DYDC1: variants seen among roughly 807,000 people sequenced by gnomAD.
The protein encoded by DYDC1 is DPY30 domain-containing protein 1.
DYDC1 carries 21 observed loss-of-function variants against 27.9 expected under a neutral mutation model. That is an observed-to-expected ratio of 0.75 (90% confidence interval 0.53 to 1.08). The LOEUF (loss-of-function observed/expected upper bound fraction) is 1.08. Ranked by LOEUF, DYDC1 falls within the 50% of genes least tolerant of loss-of-function variation. The probability of loss-of-function intolerance (pLI) is 0.00; values close to 1 mark genes in which losing one functional copy is unlikely to be tolerated. For synonymous variants in DYDC1, 67 were observed against 65.8 expected (o/e 1.02, Z -0.09); for missense variants, 202 against 205.9 (o/e 0.98, Z 0.12).
intron 3 of DYDC1, among the ~76,000 whole-genome samples, chr10:80,344,077 C>T (rs999141469): frequency 1.3e-5 from 2 of 152,108 alleles, no homozygotes; most frequent in Non-Finnish European, 2.9e-5. Flanking sequence ...GATCGCACCA[C>T]TGCACTCCAG....
chr10:80,338,190 A>C, intron 6 of DYDC1: 1 of 985,430 alleles, frequency 1.0e-6, no homozygotes, highest in Non-Finnish European at 1.2e-6. Context: ...TTTAAAGATT[A>C]TATATTTCAC....
downstream of DYDC1, chr10:80,336,056 A>G (rs867438467): frequency 1.6e-4 from 121 of 756,606 alleles, 2 homozygotes; most frequent in Middle Eastern, 1.4e-3. Flanking sequence ...GGAAAAAAAA[A>G]GGGGAGTTCA....
intron 3 of DYDC1, among the ~76,000 whole-genome samples, chr10:80,346,968 T>A (rs1842680985): frequency 6.6e-6 from 1 of 151,772 alleles, no homozygotes; most frequent in Admixed American, 6.6e-5. Context: ...TAATCCCAGC[T>A]ACTCAGGAGG....
chr10:80,349,154 G>T (rs1191233682), intron 3 of DYDC1, among the ~76,000 whole-genome samples: 1 of 152,184 alleles, frequency 6.6e-6, no homozygotes, highest in East Asian at 1.9e-4. Context: ...GCCTCCCAAA[G>T]TGCTGGGATT....
Position 80,339,029 on chromosome 10 carries a change from A to G in DYDC1, c.399+68T>C, listed in dbSNP as rs1842229228. 5.6e-6 allele frequency: 5 copies of G among 900,036 alleles called. 1 individual carries two copies. In the South Asian group the frequency reaches 5.7e-5, roughly 10 times the overall value. 55.8% of individuals were successfully genotyped at this position (900,036 alleles called of 1,614,324 possible). A position where few individuals can be genotyped will look rare whatever the true frequency, so the allele number is the denominator to read the frequency against. On this transcript the variant is annotated intron_variant, in intron 5 of 6. Transcript: ENST00000372202. ...TAAAAATTTAGCTACTTATGCATCA[A>G]AATTAAGCTTTACATTCTAGGATAC... is the stretch of plus-strand genomic sequence containing the variant.
At chr10:80,355,558 T>C (rs1843314570) in intron 1 of DYDC1, among the ~76,000 whole-genome samples, 1 of 152,098 alleles carries the variant, frequency 6.6e-6, no homozygotes. Flanking sequence ...TTATTTACAA[T>C]AGTCACACTG....
intron 3 of DYDC1, chr10:80,344,651 C>T (rs183596836): frequency 4.9e-5 from 8 of 164,380 alleles, no homozygotes; most frequent in Admixed American, 3.1e-4. Flanking sequence ...GGGAGCTGGT[C>T]TTCCCTGTGC....
At chr10:80,343,067 A>C (rs184921859) in intron 3 of DYDC1, among the ~76,000 whole-genome samples, 106 of 152,274 alleles carry the variant, frequency 7.0e-4, no homozygotes, top group Non-Finnish European at 6.5e-4. Context: ...CCAACTCAGC[A>C]TATCTGTCAC....
intron 3 of DYDC1, among the ~76,000 whole-genome samples, chr10:80,347,276 CTTTTTTTTTT>C (rs556362145): frequency 1.1e-5 from 1 of 90,112 alleles, no homozygotes; most frequent in Non-Finnish European, 2.1e-5. Context: ...AATTGGGATC[CTTTTTTTTTT>C]TTTTTTTTTT....
chr10:80,350,302 G>C (rs942324648), intron 3 of DYDC1, among the ~76,000 whole-genome samples: 2 of 152,256 alleles, frequency 1.3e-5, no homozygotes, highest in South Asian at 2.1e-4. Context: ...TAAAGTAGTC[G>C]AGCCGAAGAG....
intron 3 of DYDC1, among the ~76,000 whole-genome samples, chr10:80,343,187 TA>T (rs1468534227): frequency 6.6e-6 from 1 of 152,152 alleles, no homozygotes; most frequent in Non-Finnish European, 1.5e-5. Flanking sequence ...AGAAAAAATT[TA>T]AAAGAAATAA....
chr10:80,338,037 A>G (rs1309949262), intron 6 of DYDC1: 16 of 971,834 alleles, frequency 1.6e-5, no homozygotes, highest in Non-Finnish European at 2.0e-5. Flanking sequence ...CATCAGGCAC[A>G]GTGCCTGGCA....
At chr10:80,338,593 T>C (rs948062330) in intron 5 of DYDC1, 22 bp from the exon 6 acceptor site, 12 of 1,526,174 alleles carry the variant, frequency 7.9e-6, no homozygotes, top group Non-Finnish European at 1.1e-5. Context: ...AAATTGATTT[T>C]TACTTTTAAA....
Position 80,352,099 on chromosome 10 carries a change from G to C in DYDC1, c.148-97C>G. The C allele has an allele frequency of 2.6e-6, 3 of 1,137,262 alleles. No individual in the cohort carries two copies. The East Asian group carries it at 7.1e-5, about 27-fold the overall frequency. The allele number at this position is 1,137,262 out of a possible 1,614,324, so 70.4% of individuals were successfully genotyped here. ...CACTTAATAGGAACAATTAGGGAAAGTGTTAAGCAAATTATAGCCCATCCC... is the reference window on the plus strand; with the variant it reads ...CACTTAATAGGAACAATTAGGGAAACTGTTAAGCAAATTATAGCCCATCCC... On this transcript the variant is annotated intron_variant, in intron 2 of 6. Coordinates refer to ENST00000372202, the MANE Select transcript of DYDC1 (RefSeq NM_001269053.2).
intron 6 of DYDC1, chr10:80,338,169 C>T (rs921677309): frequency 1.0e-6 from 1 of 985,252 alleles, no homozygotes; most frequent in African/African-American, 1.7e-5. Flanking sequence ...AATCGTGCCC[C>T]CCACACCAAA....
intron 3 of DYDC1, among the ~76,000 whole-genome samples, chr10:80,344,979 A>G (rs1213061277): frequency 6.6e-6 from 1 of 152,224 alleles, no homozygotes; most frequent in Non-Finnish European, 1.5e-5. Context: ...ATCTGCTAAG[A>G]TGTGTCATAG....
intron 4 of DYDC1, among the ~76,000 whole-genome samples, chr10:80,340,853 T>C (rs1021097599): frequency 1.3e-4 from 20 of 152,228 alleles, no homozygotes; most frequent in Non-Finnish European, 1.2e-4. Flanking sequence ...AGAAAGGGGC[T>C]GCTTGTGTAT....
chr10:80,353,538 C>G (rs1226856048), intron 1 of DYDC1, among the ~76,000 whole-genome samples: 1 of 151,650 alleles, frequency 6.6e-6, no homozygotes, highest in Non-Finnish European at 1.5e-5. Context: ...AAATTGATCA[C>G]CCTCAGATTA....
chr10:80,338,392 T>C (rs1358114611), intron 6 of DYDC1, 75 bp downstream of exon 6: 1 of 1,574,116 alleles, frequency 6.4e-7, no homozygotes, highest in Non-Finnish European at 8.6e-7. Context: ...TCATTTTCCC[T>C]AGGCTTTACC....
Sources: allele counts gnomAD v4.1 joint callset (sites outside exome capture counted in the v4.1 genomes callset), GRCh38; gene constraint gnomAD v4.1.1; transcripts MANE v1.5; gene names NCBI Gene and HGNC (gene_info 2026-07-23, HGNC 2026-07-21).